PDE4B: variants seen among roughly 807,000 people sequenced by gnomAD.
PDE4B encodes 3',5'-cyclic-AMP phosphodiesterase 4B.
Under a neutral mutation model 82.2 loss-of-function variants are expected in PDE4B, and 20 were observed. That is an observed-to-expected ratio of 0.24 (90% CI 0.17 to 0.35). The LOEUF (loss-of-function observed/expected upper bound fraction) is 0.35. Among genes scored for constraint, PDE4B ranks in the 10% least tolerant of loss-of-function variants. The probability of loss-of-function intolerance (pLI) is 1.00; values close to 1 mark genes in which losing one functional copy is unlikely to be tolerated. For missense variants in PDE4B, 655 were observed against 907.2 expected, an observed-to-expected ratio of 0.72 and a Z score of 3.57; for synonymous variants, 320 against 318.9, an observed-to-expected ratio of 1.00 and a Z score of -0.04.
chr1:65,820,893 T>C (rs115743184), intron 1 of PDE4B, among the ~76,000 whole-genome samples: 1,707 of 152,352 alleles, frequency 0.011, 33 homozygotes, highest in African/African-American at 0.039. Context: ...CAGAATTTGA[T>C]CAACTCTGGT....
At chr1:66,161,600 C>G (rs1350661299) in intron 3 of PDE4B, among the ~76,000 whole-genome samples, 1 of 151,942 alleles carries the variant, frequency 6.6e-6, no homozygotes, top group East Asian at 1.9e-4. Context: ...ATGTACCAAA[C>G]CTATAAGGTT....
At chr1:66,306,121 TTGTATTGGTAATAAGTCCG>T (rs775019711) in intron 7 of PDE4B, among the ~76,000 whole-genome samples, 4 of 151,962 alleles carry the variant, frequency 2.6e-5, no homozygotes, top group Non-Finnish European at 5.9e-5. Context: ...ATAACAGAAC[TTGTATTGGTAATAAGTCCG>T]TCTCTGTGGT....
chr1:65,818,901 A>G (rs943065609), intron 1 of PDE4B, among the ~76,000 whole-genome samples: 5 of 152,180 alleles, frequency 3.3e-5, no homozygotes, highest in Non-Finnish European at 7.3e-5. Context: ...AGGATAAGCT[A>G]GCATAGGTTG....
chr1:65,975,047 T>C (rs2100637017), intron 3 of PDE4B, among the ~76,000 whole-genome samples: 1 of 152,354 alleles, frequency 6.6e-6, no homozygotes. Context: ...GGACTCAGAA[T>C]AAGACAGGAA....
chr1:66,283,903 G>GA (rs1266881358), intron 7 of PDE4B, among the ~76,000 whole-genome samples: 4 of 152,146 alleles, frequency 2.6e-5, no homozygotes, highest in Non-Finnish European at 5.9e-5. Context: ...GAGAGAGAGA[G>GA]AGATTCATTC....
chr1:66,058,382 AGGAC>A (rs1370808109), intron 3 of PDE4B, among the ~76,000 whole-genome samples: 1 of 152,156 alleles, frequency 6.6e-6, no homozygotes, highest in African/African-American at 2.4e-5. Flanking sequence ...TGTTGTCTAG[AGGAC>A]GGTGTCCCTC....
intron 1 of PDE4B, among the ~76,000 whole-genome samples, chr1:65,817,497 A>T (rs1645900462): frequency 6.6e-6 from 1 of 152,186 alleles, no homozygotes; most frequent in Admixed American, 6.5e-5. Flanking sequence ...CTGTGTACAC[A>T]TGAAGTGGTT....
At chr1:65,817,130 A>C (rs1645895592) in intron 1 of PDE4B, among the ~76,000 whole-genome samples, 1 of 152,200 alleles carries the variant, frequency 6.6e-6, no homozygotes, top group Non-Finnish European at 1.5e-5. Context: ...GAAATTGTTA[A>C]GCAGAGAACC....
intron 3 of PDE4B, among the ~76,000 whole-genome samples, chr1:66,196,866 A>G (rs1008778333): frequency 5.3e-5 from 8 of 151,586 alleles, no homozygotes; most frequent in Non-Finnish European, 8.8e-5. Flanking sequence ...GCTAGATGAC[A>G]AGTTAGTGGG....
intron 3 of PDE4B, among the ~76,000 whole-genome samples, chr1:66,236,043 A>G (rs1297801002): frequency 6.6e-6 from 1 of 152,246 alleles, no homozygotes; most frequent in Admixed American, 6.5e-5. Flanking sequence ...CAGTTAATTT[A>G]TATCGTAAAA....
chr1:66,242,454 GTTAT>G (rs1191945424), intron 3 of PDE4B, among the ~76,000 whole-genome samples: 2 of 152,198 alleles, frequency 1.3e-5, no homozygotes, highest in African/African-American at 2.4e-5. Flanking sequence ...TTTCTAGCGG[GTTAT>G]TTGTTAGAAT....
intron 3 of PDE4B, among the ~76,000 whole-genome samples, chr1:66,161,325 C>A (rs1204698641): frequency 6.6e-6 from 1 of 151,934 alleles, no homozygotes; most frequent in Non-Finnish European, 1.5e-5. Context: ...TTTTTGTTTT[C>A]TTTTTAATGT....
intron 3 of PDE4B, among the ~76,000 whole-genome samples, chr1:66,083,683 A>G (rs563087514): frequency 3.0e-4 from 45 of 152,202 alleles, no homozygotes; most frequent in African/African-American, 1.0e-3. Flanking sequence ...TCCTCATTCT[A>G]TCAATACAAA....
intron 1 of PDE4B, among the ~76,000 whole-genome samples, chr1:65,843,039 T>C (rs1197851243): frequency 6.6e-6 from 1 of 152,062 alleles, no homozygotes; most frequent in Non-Finnish European, 1.5e-5. Context: ...ATGTGTAGGA[T>C]GTATATGGGT....
intron 1 of PDE4B, among the ~76,000 whole-genome samples, chr1:65,897,881 CTGTTT>C (rs1646928487): frequency 6.6e-6 from 1 of 152,110 alleles, no homozygotes. Context: ...AAAGGTAGTT[CTGTTT>C]TAAGTTCTTT....
chr1:66,325,010 A>T (rs2101898969), intron 7 of PDE4B, among the ~76,000 whole-genome samples: 1 of 152,194 alleles, frequency 6.6e-6, no homozygotes, highest in South Asian at 2.1e-4. Flanking sequence ...TTGCCAAATA[A>T]ATAGATAAAT....
intron 3 of PDE4B, among the ~76,000 whole-genome samples, chr1:66,069,739 G>T (rs1404238264): frequency 6.6e-6 from 1 of 151,992 alleles, no homozygotes; most frequent in Non-Finnish European, 1.5e-5. Context: ...GTGTCATGGG[G>T]CTAGGAAATA....
At chr1:66,367,525 C>CT in intron 13 of PDE4B, 171 bp from the exon 14 acceptor site, 1 of 544,262 alleles carries the variant, frequency 1.8e-6, no homozygotes, top group East Asian at 3.0e-5. Flanking sequence ...TGCTTAGAAA[C>CT]TGATGACTTC....
At position 66,260,984 on chromosome 1, in the gene PDE4B, C is replaced by A. The variant is rs1292450704; in HGVS notation, c.584+3121C>A. Among the ~76,000 whole-genome samples, 3 of 152,138 alleles carry A rather than the reference C, an allele frequency of 2.0e-5. No homozygotes were observed. The East Asian group carries it at 5.8e-4, about 29-fold the overall frequency. ...TCTAATGATCTTTCTCAAATTCATA[C>A]CCATGTGTACAGAGTTGATCCTGTT... is the stretch of plus-strand genomic sequence containing the variant. On this transcript the variant is annotated intron_variant, in intron 6 of 16. Transcript: ENST00000341517.
Sources: allele counts gnomAD v4.1 joint callset (sites outside exome capture counted in the v4.1 genomes callset), GRCh38; gene constraint gnomAD v4.1.1; transcripts MANE v1.5; gene names NCBI Gene and HGNC (gene_info 2026-07-23, HGNC 2026-07-21).